Variants in NUDC observed in about 807,000 individuals in gnomAD.
NUDC encodes nuclear distribution C, dynein complex regulator, also known as nuclear migration protein nudC.
In NUDC, 14 loss-of-function variants were observed where a neutral mutation model predicts 45.0. The ratio of observed to expected loss-of-function variants is 0.31; its 90% CI spans 0.21 to 0.49. The LOEUF is 0.49. NUDC is among the 20% of genes least tolerant of loss of function. The pLI, the probability that NUDC is intolerant of heterozygous loss-of-function variation, is 0.99. For missense variants in NUDC, 323 were observed against 426.2 expected (o/e 0.76, Z 2.13); for synonymous variants, 153 against 156.7 (o/e 0.98, Z 0.17).
At chr1:26,933,644 C>T (rs1437462462) in intron 2 of NUDC, among the ~76,000 whole-genome samples, 2 of 151,044 alleles carry the variant, frequency 1.3e-5, no homozygotes, top group African/African-American at 4.9e-5. Context: ...AAACTCCTGA[C>T]CTCAGGTGAT....
chr1:26,943,728 C>A (rs959376592), intron 6 of NUDC, among the ~76,000 whole-genome samples: 1 of 152,142 alleles, frequency 6.6e-6, no homozygotes, highest in Non-Finnish European at 1.5e-5. Flanking sequence ...CCTCAGGAAG[C>A]CTTCATTCTC....
At chr1:26,934,868 A>G (rs1481578268) in intron 2 of NUDC, among the ~76,000 whole-genome samples, 1 of 152,084 alleles carries the variant, frequency 6.6e-6, no homozygotes, top group East Asian at 1.9e-4. Flanking sequence ...CGTGTTAGCC[A>G]GGATGGTCTC....
rs1217228244 is a variant in NUDC, at chr1:26,942,898, C to CG, written c.576dup (p.Leu193AlafsTer27). 6.2e-7 allele frequency: 1 copy of CG among 1,613,786 alleles called. No individual in the cohort carries two copies. The highest frequency in any genetic ancestry group is 1.3e-5 in the African/African-American group (1 of 75,010). On this transcript the variant is annotated frameshift_variant, in exon 6 of 9. Coordinates refer to ENST00000321265, the MANE Select transcript of NUDC (RefSeq NM_006600.4). LOFTEE classifies it high-confidence loss of function. ...GGCGGTCCCTTTCTGTGTGAACTTC[C>CG]GGCTGAAAGGGAAGGACATGGTGGT...
chr1:26,921,998 C>T (rs2124090705), intron 1 of NUDC, 69 bp downstream of exon 1: 9 of 1,476,288 alleles, frequency 6.1e-6, no homozygotes, highest in East Asian at 2.5e-5. Flanking sequence ...TCTCTGCCTT[C>T]GAGGGCTGAG....
chr1:26,945,704 G>A lies in NUDC; in HGVS notation c.944+18G>A, dbSNP rs200685195. On this transcript the variant is annotated intron_variant, in intron 8 of 8. Coordinates refer to ENST00000321265, the MANE Select transcript of NUDC (RefSeq NM_006600.4). ...CTGAAGAAGTGAGCAATTCAGAGAC[G>A]GGGTTGGGGGACCGTGGGTGCCTGG... The A allele has an allele frequency of 3.8e-6, 6 of 1,589,438 alleles. No individual in the cohort carries two copies. Among genetic ancestry groups the A allele is most frequent in the East Asian group, 4.5e-5 (2 of 44,802 alleles).
chr1:26,913,791 A>C (rs755060452), intron 3 of NUDC: 2 of 1,539,678 alleles, frequency 1.3e-6, no homozygotes, highest in Admixed American at 2.0e-5. Flanking sequence ...GATGAGGTGC[A>C]CATAGCTGGA....
intron 2 of NUDC, among the ~76,000 whole-genome samples, chr1:26,924,418 C>T (rs910599664): frequency 8.5e-5 from 13 of 152,170 alleles, no homozygotes; most frequent in Non-Finnish European, 1.8e-4. Flanking sequence ...AGGAAATTGG[C>T]TCAAGAGAAT....
intron 2 of NUDC, among the ~76,000 whole-genome samples, chr1:26,935,915 C>T (rs1447055954): frequency 1.3e-5 from 2 of 150,310 alleles, no homozygotes; most frequent in South Asian, 2.1e-4. Flanking sequence ...ATCACTTGAG[C>T]CCAGGAGTTG....
chr1:26,931,377 C>CTTTTTTTTTTT (rs796368735), intron 2 of NUDC, among the ~76,000 whole-genome samples: 1 of 76,924 alleles, frequency 1.3e-5, no homozygotes, highest in Non-Finnish European at 2.6e-5. Context: ...TGCGCCTGGC[C>CTTTTTTTTTTT]TTTTTTTTTT....
intron 3 of NUDC, among the ~76,000 whole-genome samples, chr1:26,915,220 G>C (rs1487132581): frequency 6.6e-6 from 1 of 152,012 alleles, no homozygotes; most frequent in African/African-American, 2.4e-5. Flanking sequence ...CATCCCACCA[G>C]GAAGACAAAG....
intron 3 of NUDC, among the ~76,000 whole-genome samples, chr1:26,913,073 T>A (rs538862859): frequency 5.7e-4 from 86 of 152,186 alleles, no homozygotes; most frequent in Non-Finnish European, 9.4e-4. Flanking sequence ...ACCTGAGGGG[T>A]TAGGAGTTCA....
chr1:26,926,080 G>A (rs747746287), intron 2 of NUDC, among the ~76,000 whole-genome samples: 2 of 150,868 alleles, frequency 1.3e-5, no homozygotes, highest in African/African-American at 2.4e-5. Flanking sequence ...GCAATGGTGC[G>A]ATCTTGGCTC....
At chr1:26,940,846 T>C (rs1225358668) in intron 2 of NUDC, among the ~76,000 whole-genome samples, 2 of 148,910 alleles carry the variant, frequency 1.3e-5, no homozygotes, top group Non-Finnish European at 3.0e-5. Context: ...CCACCGCGCC[T>C]GGCTAATTTT....
chr1:26,909,549 G>GT (rs2082016737), intron 2 of NUDC, among the ~76,000 whole-genome samples: 1 of 152,204 alleles, frequency 6.6e-6, no homozygotes, highest in Non-Finnish European at 1.5e-5. Flanking sequence ...AAGGAGAAGG[G>GT]TAAGAGGTGG....
intron 2 of NUDC, 90 bp downstream of exon 2, chr1:26,924,256 C>T: frequency 1.8e-6 from 2 of 1,127,104 alleles, no homozygotes; most frequent in South Asian, 1.3e-5. Flanking sequence ...TAGTAACTTT[C>T]AGCAGAAGCG....
At chr1:26,937,992 C>T (rs1353596319) in intron 2 of NUDC, among the ~76,000 whole-genome samples, 1 of 152,180 alleles carries the variant, frequency 6.6e-6, no homozygotes. Flanking sequence ...AATTCTTCTG[C>T]CTTCTGAAAA....
At chr1:26,906,425 G>A (rs1401448585) in intron 2 of NUDC, among the ~76,000 whole-genome samples, 1 of 152,158 alleles carries the variant, frequency 6.6e-6, no homozygotes, top group African/African-American at 2.4e-5. Flanking sequence ...ACTCCACCCT[G>A]GGCAACAGAA....
At chr1:26,920,091 AG>A (rs1161936595), upstream of NUDC, among the ~76,000 whole-genome samples, 5 of 152,208 alleles carry the variant, frequency 3.3e-5, no homozygotes, top group African/African-American at 1.2e-4. Context: ...GGAAAGAAGA[AG>A]GCGTCAACTG....
chr1:26,938,625 CAGG>C (rs2124131694), intron 2 of NUDC, among the ~76,000 whole-genome samples: 1 of 152,234 alleles, frequency 6.6e-6, no homozygotes, highest in South Asian at 2.1e-4. Flanking sequence ...TTGGGCATAG[CAGG>C]AGAATTTGGC....
Sources: gnomAD v4.1 joint callset for allele counts (sites outside exome capture counted in the v4.1 genomes callset) on GRCh38, gnomAD v4.1.1 for gene constraint, MANE v1.5 for transcripts, NCBI Gene and HGNC (gene_info 2026-07-23, HGNC 2026-07-21) for gene names.